Variants in CIC observed in about 807,000 individuals in gnomAD.
CIC encodes the protein protein capicua homolog.
In CIC, 18 loss-of-function variants were observed where a neutral mutation model predicts 115.7. The observed-to-expected ratio is 0.16, with a 90% confidence interval of 0.11 to 0.23. The LOEUF (loss-of-function observed/expected upper bound fraction) is 0.23. Among genes scored for constraint, CIC ranks in the 10% least tolerant of loss-of-function variants. CIC has a pLI of 1.00. For synonymous variants in CIC, 1,076 were observed against 923.0 expected (o/e 1.17, Z -3.01); for missense variants, 2,000 against 2,159.3 (o/e 0.93, Z 1.46).
chr19:42,295,429 G>T lies in CIC; in HGVS notation c.*238G>T. 1.9e-6 allele frequency: 1 copy of T among 525,958 alleles called. No homozygotes were observed. The highest frequency in any genetic ancestry group is 3.4e-6 in the Non-Finnish European group (1 of 296,236). The allele number at this position is 525,958 out of a possible 1,614,324, so 32.6% of individuals were successfully genotyped here. A position where few individuals can be genotyped will look rare whatever the true frequency, so the allele number is the denominator to read the frequency against. On this transcript the variant is annotated 3_prime_UTR_variant, in exon 21 of 21. Transcript: ENST00000681038. ...CCTCCAAGCCCCTGTACATAACCTG[G>T]AGCGTGTGACCTTCAGAGCTTTTCA...
chr19:42,276,574 G>C (rs1441452668), intron 2 of CIC, among the ~76,000 whole-genome samples: 1 of 152,184 alleles, frequency 6.6e-6, no homozygotes, highest in African/African-American at 2.4e-5. Flanking sequence ...CAGGGACACG[G>C]GTTATGCCTG....
Position 42,286,659 on chromosome 19 carries a change from G to C in CIC, c.2795-112G>C. ...AGTCCAAGAGGCTCTGGTGTTGGGG[G>C]TGGGGGGTAGACAAAAGGGGTGGGG... On this transcript the variant is annotated intron_variant, in intron 2 of 20. Coordinates refer to ENST00000681038, the MANE Select transcript of CIC (RefSeq NM_001386298.1). The C allele has an allele frequency of 2.9e-6, 4 of 1,390,374 alleles. No individual in the cohort carries two copies. The South Asian group carries it at 3.6e-5, about 12-fold the overall frequency. The allele number at this position is 1,390,374 out of a possible 1,614,324, so 86.1% of individuals were successfully genotyped here.
In CIC at chr19:42,292,550, C is replaced by T. The variant is rs1599927563; in HGVS notation, c.5903-16C>T. Reference sequence around the variant, plus strand: ...GCCCTAACTTGGTCTCCTGCTTCTTCTTCTCTGTCTTTCAGCAGGCCAAGC... The same window carrying T: ...GCCCTAACTTGGTCTCCTGCTTCTTTTTCTCTGTCTTTCAGCAGGCCAAGC... On this transcript the variant is annotated splice_polypyrimidine_tract_variant and intron_variant, in intron 14 of 20. Coordinates refer to ENST00000681038, the MANE Select transcript of CIC (RefSeq NM_001386298.1). 2.5e-6 allele frequency: 4 copies of T among 1,612,784 alleles called. No individual in the cohort carries two copies. The highest frequency in any genetic ancestry group is 1.7e-6 in the Non-Finnish European group (2 of 1,179,820).
At chr19:42,269,570 T>C (rs1361551166) in intron 1 of CIC, among the ~76,000 whole-genome samples, 189 bp downstream of exon 1, 1 of 32,078 alleles carries the variant, frequency 3.1e-5, no homozygotes, top group Non-Finnish European at 6.1e-5. Flanking sequence ...GAGGGGGTGG[T>C]GGGCAAAGAA....
chr19:42,276,098 G>A (rs1269663799), intron 2 of CIC, among the ~76,000 whole-genome samples: 1 of 152,252 alleles, frequency 6.6e-6, no homozygotes, highest in Admixed American at 6.5e-5. Flanking sequence ...ACTGAAACCT[G>A]AAGGGTGTGC....
intron 2 of CIC, chr19:42,284,780 C>A: frequency 6.4e-7 from 1 of 1,550,574 alleles, no homozygotes; most frequent in Admixed American, 1.9e-5. Context: ...CGGTCAGTAG[C>A]GCCTGGGCCC....
At chr19:42,284,558 G>T (rs985485093) in intron 2 of CIC, 1 of 272,068 alleles carries the variant, frequency 3.7e-6, no homozygotes, top group Non-Finnish European at 6.6e-6. Context: ...GGCGGCCGGA[G>T]GGGGGCGGCG....
intron 2 of CIC, among the ~76,000 whole-genome samples, chr19:42,285,329 G>A (rs2147148459): frequency 6.6e-6 from 1 of 152,250 alleles, no homozygotes; most frequent in East Asian, 1.9e-4. Flanking sequence ...GAAAAGAGGA[G>A]GCCTTGATGG....
chr19:42,293,105 C>T lies in CIC; in HGVS notation c.6346C>T (p.Pro2116Ser). ...GCGGCCTGGCCCTGCACCCCGGCAG[C>T]CTCTGGAGCCTGGCCCAGTCCGAGA... is the stretch of plus-strand genomic sequence containing the variant. ...SGRPGPAPRQ[P>S]LEPGPVREPT... is the part of the protein sequence containing the mutation. Residue 2116 changes from proline (P) to serine (S), a missense_variant, in exon 16 of 21, where the codon CCT becomes TCT. Physicochemically the swap from Pro to Ser is moderately conservative, Grantham distance 74. Transcript: ENST00000681038. The T allele has an allele frequency of 2.5e-6, 4 of 1,609,686 alleles. No individual in the cohort carries two copies. Among genetic ancestry groups the T allele is most frequent in the Non-Finnish European group, 3.4e-6 (4 of 1,178,662 alleles).
In CIC at chr19:42,289,151, G is replaced by A. The variant is rs148819249; in HGVS notation, c.3862-30G>A. 1,286 of 1,612,992 alleles carry A rather than the reference G, an allele frequency of 8.0e-4. 10 individuals carry two copies. In the African/African-American group the frequency reaches 0.012, roughly 14 times the overall value. ...GGAACCTGTCCAGGGCAGCAGCCCC[G>A]CTGAACCCTCTCTGCCACCTATCCT... On this transcript the variant is annotated intron_variant, in intron 8 of 20. Coordinates refer to ENST00000681038, the MANE Select transcript of CIC (RefSeq NM_001386298.1).
chr19:42,292,458 T>A lies in CIC; in HGVS notation c.5894T>A (p.Leu1965Gln). The A allele has an allele frequency of 6.2e-7, 1 of 1,611,064 alleles. No individual in the cohort carries two copies. Among genetic ancestry groups the A allele is most frequent in the African/African-American group, 1.3e-5 (1 of 74,952 alleles). Residue 1965 changes from leucine to glutamine, a missense_variant, in exon 14 of 21, where the codon CTG becomes CAG. Leu to Gln is a moderately radical substitution (Grantham distance 113, BLOSUM62 -2). Transcript: ENST00000681038. ...GPSGPAFVQP[L>Q]LSAGQAPLLA... is the part of the protein sequence containing the mutation. Reference sequence around the variant, plus strand: ...AGCGGCCCCGCCTTCGTGCAGCCCCTGCTCTCAGGTGAGGGGCGGCCTGGC... The same window carrying A: ...AGCGGCCCCGCCTTCGTGCAGCCCCAGCTCTCAGGTGAGGGGCGGCCTGGC...
intron 16 of CIC, 83 bp downstream of exon 16, chr19:42,293,364 T>A (rs1023092763): frequency 9.8e-6 from 14 of 1,434,744 alleles, no homozygotes; most frequent in Non-Finnish European, 8.5e-6. Flanking sequence ...GTCCTACTCT[T>A]CTTTCCATGC....
At chr19:42,294,343 G>A (rs2038364531) in intron 19 of CIC, 39 bp downstream of exon 19, 1 of 1,609,414 alleles carries the variant, frequency 6.2e-7, no homozygotes, top group Admixed American at 1.7e-5. Flanking sequence ...CTGGGGACCT[G>A]CAAGAGGAGT....
At position 42,280,908 on chromosome 19, in the gene CIC, T is replaced by C. The variant is rs1353859135; in HGVS notation, c.2795-5863T>C. Among the ~76,000 whole-genome samples the C allele has an allele frequency of 8.0e-6, 1 of 124,318 alleles. No individual in the cohort carries two copies. The highest frequency in any genetic ancestry group is 1.7e-5 in the Non-Finnish European group (1 of 57,976). 81.6% of individuals were successfully genotyped at this position (124,318 alleles called of 152,430 possible). On this transcript the variant is annotated intron_variant, in intron 2 of 20. Transcript: ENST00000681038. The surrounding 1 kb of genome is among the most constrained non-coding windows in gnomAD (Gnocchi z 4.9). ...ACCTTCCCTTCCCCAAACCCACGTC[T>C]CTCAACCCCCCCACCCCCGCATCCC...
intron 9 of CIC, 87 bp from the exon 10 acceptor site, chr19:42,289,761 C>A: frequency 8.4e-7 from 1 of 1,188,244 alleles, no homozygotes; most frequent in Non-Finnish European, 1.2e-6. Flanking sequence ...CGGTTTGGAG[C>A]AGAGCTGAGA....
rs1260933049 is a variant in CIC at position 42,287,661 on chromosome 19, C to T, written c.3426C>T (p.Ile1142=). 6.2e-7 allele frequency: 1 copy of T among 1,614,088 alleles called. No homozygotes were observed. Among genetic ancestry groups the T allele is most frequent in the Admixed American group, 1.7e-5 (1 of 60,018 alleles). Residue 1142 remains isoleucine (I), a synonymous_variant, in exon 6 of 21, where the codon ATC becomes ATT. Coordinates refer to ENST00000681038, the MANE Select transcript of CIC (RefSeq NM_001386298.1). This position sits in a 1 kb window ranked among gnomAD's most constrained non-coding sequence, Gnocchi z 8.7. ...AGGACAACCGGACCGTCAGCAAGAT[C>T]CTGGGCGAGTGGTGGTATGCCCTGG... The part of the protein sequence containing the change: ...PNQDNRTVSK[I]LGEWWYALGP...
intron 11 of CIC, 35 bp from the exon 12 acceptor site, chr19:42,291,523 T>C (rs1599920712): frequency 3.1e-6 from 5 of 1,613,112 alleles, no homozygotes; most frequent in Non-Finnish European, 3.4e-6. Flanking sequence ...TTGGCTCCCT[T>C]GTAACCTTTT....
chr19:42,295,082 C>T lies in CIC; in HGVS notation c.7445C>T (p.Pro2482Leu), dbSNP rs755696593. Reference sequence around the variant, plus strand: ...GACTCTGGCACGGCCCAGGCTGCCCCGCCACTGCCTCCACCCCCAGAGTCG... The same window carrying T: ...GACTCTGGCACGGCCCAGGCTGCCCTGCCACTGCCTCCACCCCCAGAGTCG... ...SSDSGTAQAA[P>L]PLPPPPESGP... Residue 2482 changes from proline (P) to leucine (L), a missense_variant, in exon 21 of 21, where the codon CCG (proline) becomes CTG (leucine). Pro to Leu is a moderately conservative substitution (Grantham distance 98). Coordinates refer to ENST00000681038, the MANE Select transcript of CIC (RefSeq NM_001386298.1). The T allele has an allele frequency of 2.7e-5, 42 of 1,528,594 alleles. No homozygotes were observed. The highest frequency in any genetic ancestry group is 9.9e-5 in the Admixed American group (5 of 50,274). 94.7% of individuals were successfully genotyped at this position (1,528,594 alleles called of 1,614,324 possible).
chr19:42,290,000 A>T, intron 10 of CIC, 49 bp downstream of exon 10: 1 of 1,495,608 alleles, frequency 6.7e-7, no homozygotes, highest in Non-Finnish European at 9.2e-7. Context: ...CTCCTAAGCC[A>T]TGGGAATGTC....
Sources: allele counts gnomAD v4.1 joint callset (sites outside exome capture counted in the v4.1 genomes callset), GRCh38; gene constraint gnomAD v4.1.1; non-coding constraint Gnocchi (gnomAD v3.1); transcripts MANE v1.5; gene names NCBI Gene and HGNC (gene_info 2026-07-23, HGNC 2026-07-21).